The following ZNF618 variants were observed in gnomAD, a reference collection of about 807,000 sequenced individuals.
The protein encoded by ZNF618 is zinc finger protein 618.
In ZNF618, 34 loss-of-function variants were observed where a neutral mutation model predicts 103.0. The observed-to-expected ratio is 0.33, with a 90% confidence interval of 0.25 to 0.44. The LOEUF (loss-of-function observed/expected upper bound fraction) is 0.44. Among genes scored for constraint, ZNF618 ranks in the 20% least tolerant of loss-of-function variants. The pLI is 1.00. For missense variants in ZNF618, 1,059 were observed against 1,295.4 expected, an observed-to-expected ratio of 0.82 and a Z score of 2.80; for synonymous variants, 551 against 542.2, an observed-to-expected ratio of 1.02 and a Z score of -0.23.
chr9:114,044,853 G>A (rs887492990), intron 13 of ZNF618, among the ~76,000 whole-genome samples: 7 of 151,806 alleles, frequency 4.6e-5, no homozygotes, highest in African/African-American at 1.7e-4. Context: ...TGTAAAAGGG[G>A]TTGAATTCTT....
chr9:113,938,874 C>T (rs1429854044), intron 1 of ZNF618, among the ~76,000 whole-genome samples: 1 of 152,092 alleles, frequency 6.6e-6, no homozygotes, highest in Non-Finnish European at 1.5e-5. Context: ...CCGTTCCGTC[C>T]CATTATATTT....
chr9:114,007,314 C>T, intron 6 of ZNF618, 36 bp from the exon 7 acceptor site: 2 of 1,595,476 alleles, frequency 1.3e-6, no homozygotes, highest in Non-Finnish European at 1.7e-6. Context: ...AAGACTGAAG[C>T]CCTGGTAACC....
Position 114,054,879 on chromosome 9 carries a change from T to C in ZNF618, c.*4712T>C, listed in dbSNP as rs560076509. 2 of 152,322 alleles carry C rather than the reference T, an allele frequency of 1.3e-5. No individual in the cohort carries two copies. The highest frequency in any genetic ancestry group is 4.8e-5 in the African/African-American group (2 of 41,564). 9.4% of individuals were successfully genotyped at this position (152,322 alleles called of 1,614,324 possible). On this transcript the variant is annotated 3_prime_UTR_variant, in exon 15 of 15. Coordinates refer to ENST00000374126, the MANE Select transcript of ZNF618 (RefSeq NM_001318042.2). ...GTGGAAGAGGCGCCCACTCCCACTT[T>C]AATGAGGGTGAAGATTGTCAGGTCA...
intron 10 of ZNF618, among the ~76,000 whole-genome samples, chr9:114,027,458 A>G (rs1305043125): frequency 1.3e-5 from 2 of 152,186 alleles, no homozygotes; most frequent in African/African-American, 4.8e-5. Flanking sequence ...ACGGGGGAGA[A>G]TGGGCAGCCC....
intron 1 of ZNF618, among the ~76,000 whole-genome samples, chr9:113,955,184 C>T (rs1836161442): frequency 6.9e-6 from 1 of 145,714 alleles, no homozygotes; most frequent in African/African-American, 2.6e-5. Flanking sequence ...ACCCTGAAGG[C>T]TATTCCCAAA....
intron 1 of ZNF618, among the ~76,000 whole-genome samples, chr9:113,967,788 G>GA: frequency 6.6e-6 from 1 of 152,190 alleles, no homozygotes; most frequent in African/African-American, 2.4e-5. Flanking sequence ...GGACCAGACG[G>GA]GCTGGGTGAT....
At chr9:114,045,232 G>A (rs1199718597) in intron 13 of ZNF618, among the ~76,000 whole-genome samples, 1 of 151,746 alleles carries the variant, frequency 6.6e-6, no homozygotes, top group Non-Finnish European at 1.5e-5. Flanking sequence ...ATTTTTTTCT[G>A]TGCTTTTGGT....
At chr9:113,993,990 T>C (rs1212440149) in intron 3 of ZNF618, among the ~76,000 whole-genome samples, 1 of 152,150 alleles carries the variant, frequency 6.6e-6, no homozygotes, top group East Asian at 1.9e-4. Context: ...CGTCCTGACA[T>C]AGGTGATCAG....
intron 2 of ZNF618, among the ~76,000 whole-genome samples, chr9:113,977,974 A>G (rs1838634127): frequency 6.6e-6 from 1 of 152,258 alleles, no homozygotes; most frequent in Non-Finnish European, 1.5e-5. Flanking sequence ...ACAATGAGGA[A>G]AATTAAGTGC....
chr9:113,920,250 C>G (rs965604719), intron 1 of ZNF618, among the ~76,000 whole-genome samples: 1 of 152,044 alleles, frequency 6.6e-6, no homozygotes, highest in African/African-American at 2.4e-5. Flanking sequence ...AGGCTATTGG[C>G]GTGGAGCCCT....
intron 1 of ZNF618, among the ~76,000 whole-genome samples, chr9:113,921,494 T>C (rs1442499358): frequency 6.6e-6 from 1 of 152,220 alleles, no homozygotes; most frequent in Non-Finnish European, 1.5e-5. Context: ...TTCTTCATGG[T>C]TATGGCCCAG....
intron 1 of ZNF618, among the ~76,000 whole-genome samples, chr9:113,953,146 T>G (rs1018285600): frequency 2.0e-5 from 3 of 152,148 alleles, no homozygotes; most frequent in African/African-American, 7.2e-5. Flanking sequence ...AAAGAGAAAA[T>G]CTCAGTACGT....
intron 10 of ZNF618, among the ~76,000 whole-genome samples, chr9:114,017,051 AG>A (rs1842705501): frequency 6.6e-6 from 1 of 152,112 alleles, no homozygotes; most frequent in Admixed American, 6.5e-5. Context: ...TGGGGTGAGG[AG>A]GGTGGACATC....
At chr9:114,036,406 C>A in intron 13 of ZNF618, 29 bp downstream of exon 13, 1 of 1,555,370 alleles carries the variant, frequency 6.4e-7, no homozygotes, top group Non-Finnish European at 8.7e-7. Context: ...CTCTCCCCCT[C>A]TCCTTCCTCA....
rs1197332070 is a variant in ZNF618, at chr9:114,050,117, A to G, written c.2815A>G (p.Ser939Gly). The G allele has an allele frequency of 3.8e-6, 6 of 1,593,030 alleles. No individual in the cohort carries two copies. Among genetic ancestry groups the G allele is most frequent in the East Asian group, 2.2e-5 (1 of 44,482 alleles). The change falls in exon 15 of 15, where the codon AGT (serine) becomes GGT (glycine). Residue 939 changes from serine (S) to glycine (G), a missense_variant. Coordinates refer to ENST00000374126, the MANE Select transcript of ZNF618 (RefSeq NM_001318042.2). ...TCTAATCAAACGGAGGCGGCTGCTC[A>G]GTCCAGAAGATATGAATAAACTCAT... is the stretch of plus-strand genomic sequence containing the variant. ...ALLIKRRRLL[S>G]PEDMNKLMFL...
rs1432868920 is a variant in ZNF618, at chr9:114,036,178, G to C, written c.1169-122G>C. 4 of 841,392 alleles carry C rather than the reference G, an allele frequency of 4.8e-6. No homozygotes were observed. The East Asian group carries it at 1.1e-4, about 22-fold the overall frequency. 52.1% of individuals were successfully genotyped at this position (841,392 alleles called of 1,614,324 possible). A position where few individuals can be genotyped will look rare whatever the true frequency, so the allele number is the denominator to read the frequency against. On this transcript the variant is annotated intron_variant, in intron 12 of 14. Transcript: ENST00000374126. The stretch of plus-strand genomic sequence containing the variant: ...GGGGGAGGCAGGCAGGCTGGGCCCG[G>C]AGCCCTGAGCACAGAGACCCGGTGT...
At chr9:113,987,798 G>A (rs1327582999) in intron 2 of ZNF618, among the ~76,000 whole-genome samples, 1 of 152,148 alleles carries the variant, frequency 6.6e-6, no homozygotes, top group Non-Finnish European at 1.5e-5. Flanking sequence ...GTTTGTTTGT[G>A]TTCTGCCTGC....
intron 7 of ZNF618, 96 bp from the exon 8 acceptor site, chr9:114,008,248 G>T (rs1030477472): frequency 6.5e-7 from 1 of 1,543,336 alleles, no homozygotes; most frequent in Non-Finnish European, 8.8e-7. Flanking sequence ...GGGGATAGGG[G>T]CTGGGAGCAG....
intron 1 of ZNF618, among the ~76,000 whole-genome samples, chr9:113,877,331 C>T (rs748795873): frequency 1.7e-4 from 26 of 152,100 alleles, no homozygotes; most frequent in Admixed American, 3.9e-4. Flanking sequence ...TTAGGGAAAA[C>T]TGAGAGAATT....
Sources: gnomAD v4.1 joint callset for allele counts (sites outside exome capture counted in the v4.1 genomes callset) on GRCh38, gnomAD v4.1.1 for gene constraint, MANE v1.5 for transcripts, NCBI Gene and HGNC (gene_info 2026-07-23, HGNC 2026-07-21) for gene names.